TRPM2: variants seen among roughly 807,000 people sequenced by gnomAD.
The protein encoded by TRPM2 is transient receptor potential cation channel subfamily M member 2, also known as estrogen-responsive element-associated gene 1 protein.
Under a neutral mutation model 174.0 loss-of-function variants are expected in TRPM2, and 161 were observed. The ratio of observed to expected loss-of-function variants is 0.93; its 90% CI spans 0.81 to 1.05. TRPM2 has a LOEUF of 1.05. TRPM2 is among the 50% of genes least tolerant of loss of function. TRPM2 has a pLI of 0.00. For synonymous variants in TRPM2, 954 were observed against 861.3 expected (o/e 1.11, Z -1.88); for missense variants, 2,057 against 2,038.0 (o/e 1.01, Z -0.18).
intron 4 of TRPM2, among the ~76,000 whole-genome samples, chr21:44,368,854 C>G (rs550074158): frequency 6.6e-6 from 1 of 152,284 alleles, no homozygotes; most frequent in East Asian, 1.9e-4. Flanking sequence ...TCTGCCGCAC[C>G]TGGGTCCTGA....
At chr21:44,425,346 C>T (rs945760385) in intron 24 of TRPM2, 10 of 405,070 alleles carry the variant, frequency 2.5e-5, no homozygotes, top group Admixed American at 8.2e-5. Context: ...TAGCCTTCCT[C>T]GGGCTGCTGA....
chr21:44,407,243 C>T (rs531259330), intron 19 of TRPM2, among the ~76,000 whole-genome samples: 11 of 142,740 alleles, frequency 7.7e-5, no homozygotes, highest in Non-Finnish European at 1.2e-4. Context: ...TCCTCCCACC[C>T]GTCTGCTGAG....
In TRPM2 at chr21:44,418,198, G is replaced by A. The variant is rs1246502474; in HGVS notation, c.3328+90G>A. On this transcript the variant is annotated intron_variant, in intron 21 of 31. Coordinates refer to ENST00000397928, the MANE Select transcript of TRPM2 (RefSeq NM_003307.4). ...GCATGGCAGCTCTGCCCAGAACCCT[G>A]GACGCTCAGCAGGCGTGCAGGTCAC... The A allele has an allele frequency of 4.0e-6, 6 of 1,505,634 alleles. No homozygotes were observed. The East Asian group carries it at 1.4e-4, about 35-fold the overall frequency. The allele number at this position is 1,505,634 out of a possible 1,614,324, so 93.3% of individuals were successfully genotyped here. A position where few individuals can be genotyped will look rare whatever the true frequency, so the allele number is the denominator to read the frequency against.
intron 16 of TRPM2, among the ~76,000 whole-genome samples, chr21:44,402,967 C>T (rs1363141504): frequency 6.6e-6 from 1 of 152,160 alleles, no homozygotes; most frequent in Non-Finnish European, 1.5e-5. Flanking sequence ...AATACCACTG[C>T]CTACTGGGGC....
At chr21:44,403,249 G>C (rs1239870801) in intron 16 of TRPM2, among the ~76,000 whole-genome samples, 1 of 152,164 alleles carries the variant, frequency 6.6e-6, no homozygotes, top group African/African-American at 2.4e-5. Context: ...GGTCCTGCTG[G>C]TCACCTGCCC....
At chr21:44,377,529 C>A (rs1246666543) in intron 6 of TRPM2, among the ~76,000 whole-genome samples, 183 bp from the exon 7 acceptor site, 1 of 152,228 alleles carries the variant, frequency 6.6e-6, no homozygotes, top group Non-Finnish European at 1.5e-5. Flanking sequence ...GGCCTCCCAG[C>A]AGGTGCTTCA....
Position 44,376,747 on chromosome 21 carries a change from C to A in TRPM2, c.952+734C>A, listed in dbSNP as rs1209512675. Among the ~76,000 whole-genome samples the A allele has an allele frequency of 1.3e-5, 2 of 152,150 alleles. No individual in the cohort carries two copies. The highest frequency in any genetic ancestry group is 2.4e-5 in the African/African-American group (1 of 41,430). On this transcript the variant is annotated intron_variant, in intron 6 of 31. Transcript: ENST00000397928. The surrounding 1 kb of genome is among the most constrained non-coding windows in gnomAD (Gnocchi z 4.2). ...GAGATGGTGAACGGGAGGTGTCTGA[C>A]CTGTGGCTGGGTGGGCTGGGGTCCC...
chr21:44,406,791 CG>C (rs758917295), intron 19 of TRPM2, 26 bp downstream of exon 19: 6 of 1,581,522 alleles, frequency 3.8e-6, no homozygotes, highest in Non-Finnish European at 4.3e-6. Flanking sequence ...CATGGGAGCT[CG>C]GGTGGTGCTG....
upstream of TRPM2, among the ~76,000 whole-genome samples, chr21:44,352,456 A>AAT (rs1026526879): frequency 6.6e-6 from 1 of 152,184 alleles, no homozygotes; most frequent in Non-Finnish European, 1.5e-5. Context: ...TCAGTCACCT[A>AAT]ATGTGATGAG....
chr21:44,427,138 C>A, intron 27 of TRPM2, 27 bp downstream of exon 27: 2 of 1,542,672 alleles, frequency 1.3e-6, no homozygotes, highest in Non-Finnish European at 1.8e-6. Flanking sequence ...CGGGCCCCGC[C>A]CCGTCAGCCT....
chr21:44,382,636 CG>C (rs2048914958), intron 8 of TRPM2, 81 bp from the exon 9 acceptor site: 1 of 1,371,704 alleles, frequency 7.3e-7, no homozygotes, highest in Non-Finnish European at 1.0e-6. Flanking sequence ...TGGCTGTGTC[CG>C]GGGCCTCAAT....
At chr21:44,392,822 G>A (rs1242632745) in intron 11 of TRPM2, among the ~76,000 whole-genome samples, 1 of 152,120 alleles carries the variant, frequency 6.6e-6, no homozygotes, top group African/African-American at 2.4e-5. Flanking sequence ...TGCCCACTGT[G>A]TATGCTGGTT....
chr21:44,363,362 GTTGT>G (rs963368174), intron 2 of TRPM2, among the ~76,000 whole-genome samples: 8 of 151,992 alleles, frequency 5.3e-5, no homozygotes, highest in Admixed American at 2.0e-4. Context: ...TTTCTTTGTT[GTTGT>G]TTGTTTGTTT....
At chr21:44,394,522 C>CAT (rs1569056343) in intron 11 of TRPM2, among the ~76,000 whole-genome samples, 1 of 151,406 alleles carries the variant, frequency 6.6e-6, no homozygotes, top group African/African-American at 2.4e-5. Context: ...GGTTTCACTG[C>CAT]GTTAGCCAGG....
At chr21:44,386,277 G>A (rs56195574) in intron 9 of TRPM2, among the ~76,000 whole-genome samples, 30,798 of 151,904 alleles carry the variant, frequency 0.2, 3,184 homozygotes, top group African/African-American at 0.22. Flanking sequence ...GCATGGTGGC[G>A]AGCGCCTGTA....
chr21:44,397,185 T>G (rs947089863), intron 12 of TRPM2, among the ~76,000 whole-genome samples: 2 of 151,856 alleles, frequency 1.3e-5, no homozygotes, highest in Non-Finnish European at 1.5e-5. Flanking sequence ...ACAACAGGCA[T>G]GTGCCACCAC....
At chr21:44,415,757 T>G (rs2050258077) in intron 20 of TRPM2, 1 of 152,198 alleles carries the variant, frequency 6.6e-6, no homozygotes. Context: ...TTGTTGCTTT[T>G]GAAACAAGGA....
chr21:44,359,419 G>A (rs889358312), intron 2 of TRPM2, among the ~76,000 whole-genome samples: 3 of 151,698 alleles, frequency 2.0e-5, no homozygotes, highest in African/African-American at 7.3e-5. Flanking sequence ...GGATTTGTAG[G>A]GTGCACATCC....
chr21:44,425,858 A>T (rs1374039278), intron 25 of TRPM2, 31 bp downstream of exon 25: 8 of 1,522,536 alleles, frequency 5.3e-6, no homozygotes, highest in Non-Finnish European at 7.1e-6. Context: ...AACCAGGCGG[A>T]GTGGCCGGGC....
Sources: gnomAD v4.1 joint callset for allele counts (sites outside exome capture counted in the v4.1 genomes callset) on GRCh38, gnomAD v4.1.1 for gene constraint, Gnocchi (gnomAD v3.1) non-coding constraint, MANE v1.5 for transcripts, NCBI Gene and HGNC (gene_info 2026-07-23, HGNC 2026-07-21) for gene names.